Variants in FSTL4 observed in about 807,000 individuals in gnomAD.
FSTL4 encodes the protein follistatin-related protein 4.
In FSTL4, 28 loss-of-function variants were observed where a neutral mutation model predicts 78.2. That is an observed-to-expected ratio of 0.36 (90% confidence interval 0.27 to 0.49). FSTL4 has a LOEUF of 0.49. Among genes scored for constraint, FSTL4 ranks in the 20% least tolerant of loss-of-function variants. The pLI is 0.98. For missense variants in FSTL4, 922 were observed against 1,084.9 expected, an observed-to-expected ratio of 0.85 and a Z score of 2.11; for synonymous variants, 422 against 440.5, an observed-to-expected ratio of 0.96 and a Z score of 0.53.
intron 3 of FSTL4, among the ~76,000 whole-genome samples, chr5:133,430,058 T>A (rs1427524427): frequency 6.6e-6 from 1 of 152,186 alleles, no homozygotes; most frequent in Non-Finnish European, 1.5e-5. Context: ...CCATAAGATA[T>A]ACAAAGCACT....
chr5:133,381,625 C>T (rs1442238005), intron 4 of FSTL4, among the ~76,000 whole-genome samples: 5 of 152,178 alleles, frequency 3.3e-5, no homozygotes, highest in African/African-American at 1.2e-4. Flanking sequence ...TAAAACACGG[C>T]TCTTGTCTTC....
intron 3 of FSTL4, among the ~76,000 whole-genome samples, chr5:133,512,857 G>A (rs995114057): frequency 3.3e-5 from 5 of 151,652 alleles, no homozygotes; most frequent in African/African-American, 9.7e-5. Flanking sequence ...GCTCTCTCTC[G>A]CCCAGGCTGG....
the FSTL4 span, among the ~76,000 whole-genome samples, chr5:133,680,366 G>A: frequency 6.6e-6 from 1 of 152,198 alleles, no homozygotes; most frequent in Admixed American, 6.5e-5. Flanking sequence ...CACCAGACGT[G>A]TAGCACCTGA....
chr5:133,591,859 A>G (rs1760635060), intron 2 of FSTL4, among the ~76,000 whole-genome samples: 1 of 152,122 alleles, frequency 6.6e-6, no homozygotes, highest in Non-Finnish European at 1.5e-5. Context: ...CCATGAAGGC[A>G]TCCTGCCATT....
intron 4 of FSTL4, among the ~76,000 whole-genome samples, chr5:133,363,635 A>G (rs1755117538): frequency 6.6e-6 from 1 of 152,114 alleles, no homozygotes; most frequent in African/African-American, 2.4e-5. Flanking sequence ...TCCACGTGGG[A>G]GGCCAACAAG....
the FSTL4 span, among the ~76,000 whole-genome samples, chr5:133,687,810 T>G: frequency 6.6e-6 from 1 of 152,230 alleles, no homozygotes; most frequent in Non-Finnish European, 1.5e-5. Context: ...GCACCACAAC[T>G]TGGGCACCAT....
the FSTL4 span, among the ~76,000 whole-genome samples, chr5:133,709,030 A>C: frequency 6.6e-6 from 1 of 152,214 alleles, no homozygotes; most frequent in Non-Finnish European, 1.5e-5. Context: ...AACAATCCAT[A>C]ACAAACTTCC....
chr5:133,321,006 C>CAAAAAA lies in FSTL4; in HGVS notation c.410-4360_410-4355dup, dbSNP rs3976680. ...TGGGTGACAGAGCGAGACTCCGTCT[C>CAAAAAA]AAAAAAAAAAAAAAAAAAAAATTCC... is the stretch of plus-strand genomic sequence containing the variant. On this transcript the variant is annotated intron_variant, in intron 4 of 15. Coordinates refer to ENST00000265342, the MANE Select transcript of FSTL4 (RefSeq NM_015082.2). 1.6e-3 allele frequency among the ~76,000 whole-genome samples: 146 copies of CAAAAAA among 90,248 alleles called. 3 individuals are homozygous for CAAAAAA. The highest frequency in any genetic ancestry group is 5.1e-3 in the African/African-American group (112 of 21,994). The allele number at this position is 90,248 out of a possible 152,430, so 59.2% of individuals were successfully genotyped here.
chr5:133,289,711 A>C (rs191609194), intron 6 of FSTL4, among the ~76,000 whole-genome samples: 1 of 152,184 alleles, frequency 6.6e-6, no homozygotes. Context: ...ATGTAGCCCA[A>C]AGCCTGACAT....
At chr5:133,510,832 C>T (rs758196987) in intron 3 of FSTL4, among the ~76,000 whole-genome samples, 12 of 152,040 alleles carry the variant, frequency 7.9e-5, no homozygotes, top group African/African-American at 2.7e-4. Context: ...GAGCCACAGC[C>T]GTGTCCCACT....
chr5:133,201,818 A>T, intron 15 of FSTL4, 115 bp downstream of exon 15: 1 of 614,610 alleles, frequency 1.6e-6, no homozygotes, highest in Non-Finnish European at 2.9e-6. Context: ...GTCCAAATCC[A>T]GCATGGGAGT....
rs533798921 is a variant in FSTL4 at position 133,319,516 on chromosome 5, C to T, written c.410-2864G>A. Among the ~76,000 whole-genome samples, 5 of 152,234 alleles carry T rather than the reference C, an allele frequency of 3.3e-5. No individual in the cohort carries two copies. In the South Asian group the frequency reaches 6.2e-4, roughly 19 times the overall value. ...AGAGCAGGCCAGGAGCAGGACTGCG[C>T]GTGCAGGAGCCATGGTGGGGCACGT... On this transcript the variant is annotated intron_variant, in intron 4 of 15. Coordinates refer to ENST00000265342, the MANE Select transcript of FSTL4 (RefSeq NM_015082.2).
chr5:133,207,570 C>CCTCT (rs1274983429), intron 14 of FSTL4, among the ~76,000 whole-genome samples: 1 of 152,166 alleles, frequency 6.6e-6, no homozygotes, highest in Non-Finnish European at 1.5e-5. Context: ...TTCTCTGTAT[C>CCTCT]CTCTCTTATC....
At chr5:133,278,914 A>C (rs1019156394) in intron 6 of FSTL4, among the ~76,000 whole-genome samples, 5 of 152,220 alleles carry the variant, frequency 3.3e-5, no homozygotes, top group African/African-American at 1.2e-4. Flanking sequence ...TCAGGTATAC[A>C]GGGTAGTAAC....
the FSTL4 span, among the ~76,000 whole-genome samples, chr5:133,665,705 C>T: frequency 6.6e-6 from 1 of 152,332 alleles, no homozygotes; most frequent in South Asian, 2.1e-4. Flanking sequence ...GAAGCAAAGG[C>T]AAGGGTTAAA....
chr5:133,429,682 T>G (rs1483701736), intron 3 of FSTL4, among the ~76,000 whole-genome samples: 2 of 152,272 alleles, frequency 1.3e-5, no homozygotes, highest in East Asian at 3.9e-4. Context: ...TCTGGACTCT[T>G]GGATGCACCG....
chr5:133,314,391 G>A (rs1753854837), intron 5 of FSTL4, among the ~76,000 whole-genome samples: 1 of 152,234 alleles, frequency 6.6e-6, no homozygotes. Flanking sequence ...GAATGGGCTT[G>A]CGCGAGCCAC....
chr5:133,727,025 C>T, the FSTL4 span, among the ~76,000 whole-genome samples: 8 of 152,140 alleles, frequency 5.3e-5, no homozygotes, highest in South Asian at 4.2e-4. Context: ...ATTGGAAAAC[C>T]GGGTGGCAGG....
At chr5:133,333,733 G>A (rs7716072) in intron 4 of FSTL4, among the ~76,000 whole-genome samples, 17,858 of 152,278 alleles carry the variant, frequency 0.12, 1,567 homozygotes, top group African/African-American at 0.24. Flanking sequence ...ACCCAGCGAG[G>A]GCATCTCCAC....
Sources: gnomAD v4.1 joint callset for allele counts (sites outside exome capture counted in the v4.1 genomes callset) on GRCh38, gnomAD v4.1.1 for gene constraint, MANE v1.5 for transcripts, NCBI Gene and HGNC (gene_info 2026-07-23, HGNC 2026-07-21) for gene names.